The following DDC variants were observed in gnomAD, a reference collection of about 807,000 sequenced individuals.
The protein encoded by DDC is aromatic-L-amino-acid decarboxylase.
DDC carries 43 observed loss-of-function variants against 60.0 expected under a neutral mutation model. The ratio of observed to expected loss-of-function variants is 0.72; its 90% CI spans 0.56 to 0.92. The LOEUF is 0.92. Among genes scored for constraint, DDC ranks in the 40% least tolerant of loss-of-function variants. The pLI is 0.00. For synonymous variants in DDC, 232 were observed against 234.6 expected (o/e 0.99, Z 0.10); for missense variants, 573 against 620.2 (o/e 0.92, Z 0.81).
intron 1 of DDC, among the ~76,000 whole-genome samples, chr7:50,548,232 TGGCCTCTAAGTATTCAAGTGACAG>T (rs2044869919): frequency 6.6e-6 from 1 of 152,190 alleles, no homozygotes; most frequent in South Asian, 2.1e-4. Context: ...AACACTGCAA[TGGCCTCTAAGTATTCAAGTGACAG>T]GAAGAGTAGG....
At position 50,537,850 on chromosome 7, in the gene DDC, C is replaced by A; in HGVS notation, c.435+10G>T. On this transcript the variant is annotated intron_variant, in intron 4 of 14. Coordinates refer to ENST00000444124, the MANE Select transcript of DDC (RefSeq NM_001082971.2). ...CATCCCAAAAGTGGCCCTCACAGCTCCCACCTTACCTGGATCACTCCTCCC... is the reference window on the plus strand; with the variant it reads ...CATCCCAAAAGTGGCCCTCACAGCTACCACCTTACCTGGATCACTCCTCCC... The A allele has an allele frequency of 6.2e-7, 1 of 1,614,192 alleles. No homozygotes were observed. Among genetic ancestry groups the A allele is most frequent in the Non-Finnish European group, 8.5e-7 (1 of 1,180,032 alleles).
intron 4 of DDC, among the ~76,000 whole-genome samples, chr7:50,531,578 G>T (rs1188272248): frequency 8.9e-6 from 1 of 112,594 alleles, no homozygotes; most frequent in African/African-American, 3.5e-5. Flanking sequence ...GCTTTTCTCT[G>T]GGGGGGGATG....
chr7:50,467,099 T>A, intron 13 of DDC, 115 bp downstream of exon 13: 3 of 981,530 alleles, frequency 3.1e-6, no homozygotes, highest in Non-Finnish European at 4.9e-6. Flanking sequence ...AATGCAGGCT[T>A]TGCTCTGCCA....
rs1410430785 is a variant in DDC at position 50,538,387 on chromosome 7, G to A, written c.316-408C>T. Among the ~76,000 whole-genome samples, 4 of 152,300 alleles carry A rather than the reference G, an allele frequency of 2.6e-5. 1 individual carries two copies. Among genetic ancestry groups the A allele is most frequent in the Admixed American group, 2.6e-4 (4 of 15,292 alleles). On this transcript the variant is annotated intron_variant, in intron 3 of 14. Transcript: ENST00000444124. ...TGATCTTGTCTTTTAAACTCCCAGT[G>A]ACTTTTCTCTATGAACTCTCCCCTC...
chr7:50,540,894 G>T (rs1355656988), intron 2 of DDC, among the ~76,000 whole-genome samples: 3 of 152,200 alleles, frequency 2.0e-5, no homozygotes, highest in Non-Finnish European at 2.9e-5. Flanking sequence ...ATTTAGCAAT[G>T]GTAACAAGGG....
intron 13 of DDC, among the ~76,000 whole-genome samples, chr7:50,466,215 C>T (rs919854208): frequency 2.6e-5 from 4 of 152,174 alleles, no homozygotes; most frequent in Non-Finnish European, 5.9e-5. Context: ...CTCAGCCGGG[C>T]GCAGTGGCTC....
intron 14 of DDC, 59 bp downstream of exon 14, chr7:50,463,154 G>T: frequency 7.1e-7 from 1 of 1,407,168 alleles, no homozygotes; most frequent in Non-Finnish European, 9.8e-7. Flanking sequence ...TGGACTCCAG[G>T]AGGACACTCT....
chr7:50,562,916 C>G (rs886273148), intron 1 of DDC, among the ~76,000 whole-genome samples: 1 of 152,024 alleles, frequency 6.6e-6, no homozygotes, highest in African/African-American at 2.4e-5. Flanking sequence ...GCCTGTAATC[C>G]CAGCCTTTGG....
rs1364989731 is a variant in DDC, at chr7:50,537,973, T to G, written c.322A>C (p.Ser108Arg). 2 of 1,614,166 alleles carry G rather than the reference T, an allele frequency of 1.2e-6. No homozygotes were observed. The highest frequency in any genetic ancestry group is 8.5e-7 in the Non-Finnish European group (1 of 1,180,034). The part of the protein sequence containing the change: ...IGCIGFSWAA[S>R]PACTELETVM... Reference sequence around the variant, plus strand: ...GTCTCCAGCTCTGTGCATGCTGGGCTTGCCGCCTGTCGTGGGGGAAGGGAA... The same window carrying G: ...GTCTCCAGCTCTGTGCATGCTGGGCGTGCCGCCTGTCGTGGGGGAAGGGAA... The change falls in exon 4 of 15, where the codon AGC (serine) becomes CGC (arginine). Residue 108 changes from serine (S) to arginine (R), a missense_variant. Transcript: ENST00000444124.
chr7:50,460,563 T>C (rs7791943), intron 14 of DDC, among the ~76,000 whole-genome samples: 95,481 of 150,042 alleles, frequency 0.64, 31,699 homozygotes, highest in Admixed American at 0.72. Flanking sequence ...CAACAGCTCA[T>C]TGAGAACGGG....
intron 6 of DDC, among the ~76,000 whole-genome samples, chr7:50,526,940 C>A (rs2044052232): frequency 6.6e-6 from 1 of 152,058 alleles, no homozygotes; most frequent in African/African-American, 2.4e-5. Context: ...GTGTATGCAC[C>A]AAATTAATAT....
intron 1 of DDC, among the ~76,000 whole-genome samples, chr7:50,562,249 T>A (rs1261765085): frequency 2.0e-5 from 3 of 152,084 alleles, no homozygotes; most frequent in African/African-American, 7.2e-5. Flanking sequence ...AGTGAGGGGA[T>A]CCTGGTCTCA....
At chr7:50,555,313 A>T (rs1224507216) in intron 1 of DDC, among the ~76,000 whole-genome samples, 1 of 152,130 alleles carries the variant, frequency 6.6e-6, no homozygotes, top group Admixed American at 6.5e-5. Context: ...TCTGTTGGAA[A>T]CGAGACCCAG....
chr7:50,477,361 G>C (rs896415787), intron 10 of DDC, among the ~76,000 whole-genome samples: 4 of 152,232 alleles, frequency 2.6e-5, no homozygotes, highest in Non-Finnish European at 4.4e-5. Flanking sequence ...ACATGCTGCA[G>C]TCCTGCTGCA....
At chr7:50,497,544 A>G (rs2043152600) in intron 8 of DDC, among the ~76,000 whole-genome samples, 2 of 152,222 alleles carry the variant, frequency 1.3e-5, no homozygotes, top group African/African-American at 4.8e-5. Flanking sequence ...CAGATGTTTC[A>G]AATAATGGAG....
intron 4 of DDC, among the ~76,000 whole-genome samples, chr7:50,532,401 C>A (rs377233597): frequency 1.3e-5 from 2 of 152,154 alleles, no homozygotes; most frequent in Non-Finnish European, 2.9e-5. Context: ...TTTAATGAAA[C>A]GAAAATGCAG....
At position 50,459,902 on chromosome 7, in the gene DDC, G is replaced by A. The variant is rs1231718297; in HGVS notation, c.*19-1059C>T. On this transcript the variant is annotated intron_variant, in intron 14 of 14. Transcript: ENST00000444124. ...AGGTGGGGGGGTCAGCCCCCCGCCCGGCCAGCCGCCCCATCCAGGAGGGAG... is the reference window on the plus strand; with the variant it reads ...AGGTGGGGGGGTCAGCCCCCCGCCCAGCCAGCCGCCCCATCCAGGAGGGAG... Among the ~76,000 whole-genome samples the A allele has an allele frequency of 2.7e-3, 367 of 136,622 alleles. 4 individuals are homozygous for A. Among genetic ancestry groups the A allele is most frequent in the Middle Eastern group, 4.5e-3 (1 of 222 alleles). 89.6% of individuals were successfully genotyped at this position (136,622 alleles called of 152,430 possible).
chr7:50,550,769 T>C (rs1295255447), intron 1 of DDC, among the ~76,000 whole-genome samples: 1 of 152,192 alleles, frequency 6.6e-6, no homozygotes, highest in East Asian at 1.9e-4. Context: ...GCAATCAAAA[T>C]ATGCATCTAT....
intron 1 of DDC, among the ~76,000 whole-genome samples, chr7:50,550,208 G>A (rs1214092595): frequency 6.6e-6 from 1 of 152,200 alleles, no homozygotes; most frequent in African/African-American, 2.4e-5. Context: ...TGACCAGTCA[G>A]CAGCCATCGA....
Sources: allele counts gnomAD v4.1 joint callset (sites outside exome capture counted in the v4.1 genomes callset), GRCh38; gene constraint gnomAD v4.1.1; transcripts MANE v1.5; gene names NCBI Gene and HGNC (gene_info 2026-07-23, HGNC 2026-07-21).